ZNF534: variants seen among roughly 807,000 people sequenced by gnomAD.
The protein encoded by ZNF534 is KRAB domain only 3.
A neutral mutation model predicts 13.6 loss-of-function variants in ZNF534; 19 were observed. That is an observed-to-expected ratio of 1.40 (90% CI 0.97 to 2.05). ZNF534 has a LOEUF of 2.05. Among genes scored for constraint, ZNF534 ranks in the 30% most tolerant of loss-of-function variants. ZNF534 has a pLI of 0.00. For missense variants in ZNF534, 782 were observed against 796.3 expected (o/e 0.98, Z 0.22); for synonymous variants, 244 against 273.8 (o/e 0.89, Z 1.07).
rs2059165457 is a variant in ZNF534 at position 52,440,588 on chromosome 19, CTGACCA to C, written c.*1143_*1148del. ...TTGAGGTCAGGAGTTTGAGACCAGC[CTGACCA>C]ATGTGTTGAAACCCCATCACTACTA... On this transcript the variant is annotated 3_prime_UTR_variant, in exon 5 of 5. Coordinates refer to ENST00000433050, the MANE Select transcript of ZNF534 (RefSeq NM_001143938.3). 6.6e-6 allele frequency among the ~76,000 whole-genome samples: 1 copy of C among 151,998 alleles called. No individual in the cohort carries two copies. Among genetic ancestry groups the C allele is most frequent in the Non-Finnish European group, 1.5e-5 (1 of 68,002 alleles).
chr19:52,434,904 G>A (rs928869969), intron 3 of ZNF534, among the ~76,000 whole-genome samples, 177 bp from the exon 4 acceptor site: 10 of 151,974 alleles, frequency 6.6e-5, no homozygotes, highest in African/African-American at 2.4e-4. Context: ...TTCTTGAAAG[G>A]GGGCTTGACG....
intron 2 of ZNF534, among the ~76,000 whole-genome samples, chr19:52,432,069 A>ATATATATATATTT (rs1271986311): frequency 4.6e-5 from 7 of 151,466 alleles, no homozygotes; most frequent in African/African-American, 1.5e-4. Flanking sequence ...ATATATATAT[A>ATATATATATATTT]TTTTTATCAG....
At chr19:52,436,186 C>A (rs184634591) in intron 4 of ZNF534, among the ~76,000 whole-genome samples, 2 of 152,212 alleles carry the variant, frequency 1.3e-5, no homozygotes, top group African/African-American at 4.8e-5. Context: ...GATCCACACA[C>A]CTCAGCCTCC....
downstream of ZNF534, among the ~76,000 whole-genome samples, chr19:52,444,058 G>T (rs1234442458): frequency 6.6e-6 from 1 of 151,916 alleles, no homozygotes; most frequent in Non-Finnish European, 1.5e-5. Context: ...GTGATTTTTT[G>T]GGGGATGTTA....
downstream of ZNF534, among the ~76,000 whole-genome samples, chr19:52,445,995 A>C (rs1014982951): frequency 1.3e-5 from 2 of 152,212 alleles, no homozygotes; most frequent in African/African-American, 2.4e-5. Context: ...AATGCACATA[A>C]CACAATAACT....
chr19:52,430,559 G>GT (rs111837580), intron 1 of ZNF534, among the ~76,000 whole-genome samples: 20,708 of 148,924 alleles, frequency 0.14, 1,799 homozygotes, highest in African/African-American at 0.25. Flanking sequence ...CTTTTTTTTT[G>GT]TTTTTTTTTG....
At chr19:52,447,661 A>G (rs1437705013) in intron 4 of ZNF534, among the ~76,000 whole-genome samples, 3 of 152,098 alleles carry the variant, frequency 2.0e-5, no homozygotes, top group Non-Finnish European at 4.4e-5. Flanking sequence ...TTATCATGTT[A>G]ATATCGTGGA....
chr19:52,429,563 C>G (rs1186205116), intron 1 of ZNF534, among the ~76,000 whole-genome samples: 1 of 150,652 alleles, frequency 6.6e-6, no homozygotes, highest in Non-Finnish European at 1.5e-5. Context: ...TGACTTTAGA[C>G]TGTATCTGCT....
At chr19:52,432,395 T>C (rs2059093612) in intron 2 of ZNF534, among the ~76,000 whole-genome samples, 1 of 152,210 alleles carries the variant, frequency 6.6e-6, no homozygotes, top group South Asian at 2.1e-4. Flanking sequence ...ACCTGTGATC[T>C]GCTGCTTACT....
In ZNF534 at chr19:52,433,406, A is replaced by G. The variant is rs377291266; in HGVS notation, c.16-549A>G. On this transcript the variant is annotated intron_variant, in intron 2 of 4. Transcript: ENST00000433050. ...GGAGGGGACGGAGTCTCACTCTGTC[A>G]CCCAGGCTGGAGTGCAGTGGCGCAA... Among the ~76,000 whole-genome samples, 773 of 151,446 alleles carry G rather than the reference A, an allele frequency of 5.1e-3. 5 individuals are homozygous for G. Among genetic ancestry groups the G allele is most frequent in the South Asian group, 0.023 (112 of 4,792 alleles).
At chr19:52,435,761 T>G (rs1274267491) in intron 4 of ZNF534, among the ~76,000 whole-genome samples, 1 of 152,026 alleles carries the variant, frequency 6.6e-6, no homozygotes, top group East Asian at 1.9e-4. Context: ...CACCTCAGCC[T>G]CCCAAAGTGC....
chr19:52,433,189 A>C (rs1286537519), intron 2 of ZNF534, among the ~76,000 whole-genome samples: 3 of 140,478 alleles, frequency 2.1e-5, no homozygotes, highest in Non-Finnish European at 4.6e-5. Context: ...CAGTGGGTGG[A>C]TATCACACCC....
At chr19:52,434,607 T>C (rs1416245309) in intron 3 of ZNF534, among the ~76,000 whole-genome samples, 1 of 151,828 alleles carries the variant, frequency 6.6e-6, no homozygotes, top group African/African-American at 2.4e-5. Flanking sequence ...GGTACATGCC[T>C]GTAGTCCCAG....
rs767626341 is a variant in ZNF534 at position 52,438,514 on chromosome 19, A to G, written c.1054A>G (p.Arg352Gly). 13 of 1,587,428 alleles carry G rather than the reference A, an allele frequency of 8.2e-6. No homozygotes were observed. In the South Asian group the frequency reaches 1.4e-4, roughly 17 times the overall value. ...TTHQTVHTGE[R>G]PYKCNECGKG... The stretch of plus-strand genomic sequence containing the variant: ...TCATCAGACAGTTCATACTGGAGAG[A>G]GACCATACAAATGTAATGAATGTGG... Residue 352 changes from arginine to glycine, a missense_variant, in exon 5 of 5, where the codon AGA (arginine) becomes GGA (glycine). This residue lies in a region of ZNF534 where 591 missense variants were observed against 574.0 expected (regional missense o/e 1.03). Coordinates refer to ENST00000433050, the MANE Select transcript of ZNF534 (RefSeq NM_001143938.3).
Position 52,437,902 on chromosome 19 carries a change from G to A in ZNF534, c.442G>A (p.Val148Ile), listed in dbSNP as rs368983595. The A allele has an allele frequency of 6.2e-7, 1 of 1,613,050 alleles. No homozygotes were observed. Among genetic ancestry groups the A allele is most frequent in the Non-Finnish European group, 8.5e-7 (1 of 1,179,552 alleles). The change falls in exon 5 of 5, where the codon GTT (valine) becomes ATT (isoleucine). Residue 148 changes from valine to isoleucine, a missense_variant. Physicochemically the swap from Val to Ile is conservative, Grantham distance 29 (BLOSUM62 3). Transcript: ENST00000433050. The stretch of plus-strand genomic sequence containing the variant: ...CAGTGACAATTCTTCAGTTTCACCA[G>A]TTCAAATAAGTTTTTTCAGTGTCAA... ...SISDNSSVSP[V>I]QISFFSVKTH...
downstream of ZNF534, among the ~76,000 whole-genome samples, chr19:52,445,157 C>T (rs1243553385): frequency 6.6e-6 from 1 of 151,716 alleles, no homozygotes; most frequent in Non-Finnish European, 1.5e-5. Flanking sequence ...CTAGGGGACC[C>T]AGAGAGCTTT....
chr19:52,429,541 G>A (rs573158885), intron 1 of ZNF534, among the ~76,000 whole-genome samples: 1 of 151,040 alleles, frequency 6.6e-6, no homozygotes, highest in Non-Finnish European at 1.5e-5. Context: ...GTACCCCAGA[G>A]ATACCAAGGG....
chr19:52,434,816 A>C (rs2122675495), intron 3 of ZNF534, among the ~76,000 whole-genome samples: 1 of 152,222 alleles, frequency 6.6e-6, no homozygotes, highest in Non-Finnish European at 1.5e-5. Flanking sequence ...CCAGGGCTGA[A>C]GTGTGCATGA....
At chr19:52,452,166 T>C (rs1442992812) in exon 5 of ZNF534, 1 of 160,406 alleles carries the variant, frequency 6.2e-6, no homozygotes, top group African/African-American at 2.4e-5. Context: ...TTGATGGTTA[T>C]TTGTAAATCT....
Sources: allele counts gnomAD v4.1 joint callset (sites outside exome capture counted in the v4.1 genomes callset), GRCh38; gene constraint gnomAD v4.1.1; regional missense constraint gnomAD v4.1.1; transcripts MANE v1.5; gene names NCBI Gene and HGNC (gene_info 2026-07-23, HGNC 2026-07-21).